LARP4B: variants seen among roughly 807,000 people sequenced by gnomAD.
The protein encoded by LARP4B is la-related protein 4B.
In LARP4B, 12 loss-of-function variants were observed where a neutral mutation model predicts 89.8. That is an observed-to-expected ratio of 0.13 (90% CI 0.09 to 0.22). LARP4B has a LOEUF of 0.22. Among genes scored for constraint, LARP4B ranks in the 10% least tolerant of loss-of-function variants. The pLI, the probability that LARP4B is intolerant of heterozygous loss-of-function variation, is 1.00. For missense variants in LARP4B, 757 were observed against 947.7 expected (o/e 0.80, Z 2.64); for synonymous variants, 367 against 363.3 (o/e 1.01, Z -0.12).
intron 1 of LARP4B, among the ~76,000 whole-genome samples, chr10:886,377 G>A (rs1014664548): frequency 2.0e-5 from 3 of 152,082 alleles, no homozygotes; most frequent in East Asian, 3.8e-4. Context: ...AAATTGGTGC[G>A]GCCATTATGA....
the LARP4B span, among the ~76,000 whole-genome samples, chr10:948,719 AT>A: frequency 2.0e-5 from 3 of 152,140 alleles, no homozygotes; most frequent in African/African-American, 7.2e-5. Flanking sequence ...TACTTGGATC[AT>A]TTCAAGAATG....
chr10:965,735 A>G, the LARP4B span, among the ~76,000 whole-genome samples: 6 of 151,748 alleles, frequency 4.0e-5, no homozygotes, highest in African/African-American at 1.5e-4. Flanking sequence ...TGAAGAAAAC[A>G]TGGCAATGTC....
chr10:820,660 T>G (rs538449773), intron 14 of LARP4B, 140 bp downstream of exon 14: 2 of 755,852 alleles, frequency 2.6e-6, no homozygotes, highest in Non-Finnish European at 4.3e-6. Context: ...GTGTCAGTTA[T>G]TACTTAGTGG....
intron 1 of LARP4B, chr10:924,339 C>A (rs1837076008): frequency 6.6e-6 from 1 of 152,188 alleles, no homozygotes; most frequent in African/African-American, 2.4e-5. Flanking sequence ...TTGGCCTTTT[C>A]AACTATGAAG....
chr10:921,708 C>T (rs997365878), intron 1 of LARP4B, among the ~76,000 whole-genome samples: 5 of 152,198 alleles, frequency 3.3e-5, no homozygotes, highest in African/African-American at 1.2e-4. Flanking sequence ...TGCCTCAATG[C>T]TTCTACAGTT....
chr10:836,552 A>C (rs1394263031), intron 7 of LARP4B, 46 bp from the exon 8 acceptor site: 2 of 1,204,852 alleles, frequency 1.7e-6, no homozygotes, highest in Non-Finnish European at 2.5e-6. Flanking sequence ...ATATTAAAAT[A>C]TGATATGCCA....
chr10:883,441 G>A (rs1301916284), intron 3 of LARP4B, among the ~76,000 whole-genome samples: 1 of 152,134 alleles, frequency 6.6e-6, no homozygotes, highest in Admixed American at 6.5e-5. Context: ...AACCCAGGAG[G>A]CGGAGGTTGC....
chr10:827,225 A>C (rs573712026), intron 11 of LARP4B, among the ~76,000 whole-genome samples: 38 of 152,178 alleles, frequency 2.5e-4, no homozygotes, highest in African/African-American at 7.7e-4. Flanking sequence ...GCAGTGAGCC[A>C]AGATCCGGCC....
At chr10:951,852 G>A in the LARP4B span, among the ~76,000 whole-genome samples, 1 of 144,492 alleles carries the variant, frequency 6.9e-6, no homozygotes, top group Non-Finnish European at 1.5e-5. Context: ...AGAAATCGCA[G>A]CAGCCCAGAA....
At chr10:934,832 C>G (rs960372224), upstream of LARP4B, among the ~76,000 whole-genome samples, 1 of 152,228 alleles carries the variant, frequency 6.6e-6, no homozygotes, top group Admixed American at 6.5e-5. Context: ...CCCCGTCCCC[C>G]CAGTGGTTTT....
chr10:975,039 T>C, the LARP4B span, among the ~76,000 whole-genome samples: 1 of 152,222 alleles, frequency 6.6e-6, no homozygotes, highest in Admixed American at 6.5e-5. Flanking sequence ...CCTGGCTCCT[T>C]GTGTGTCCAC....
chr10:894,491 G>A (rs1444098797), intron 1 of LARP4B, among the ~76,000 whole-genome samples: 2 of 152,136 alleles, frequency 1.3e-5, no homozygotes, highest in East Asian at 3.8e-4. Context: ...AACTGTGTTT[G>A]GATCCTGAGT....
chr10:859,661 TG>T (rs1259914134), intron 5 of LARP4B, among the ~76,000 whole-genome samples: 2 of 152,152 alleles, frequency 1.3e-5, no homozygotes, highest in African/African-American at 4.8e-5. Context: ...CTAAGTAATT[TG>T]TAGTATGTCC....
chr10:826,361 G>C (rs890270369), intron 11 of LARP4B, among the ~76,000 whole-genome samples: 18 of 152,152 alleles, frequency 1.2e-4, no homozygotes, highest in Non-Finnish European at 1.8e-4. Flanking sequence ...CACAAGTCCT[G>C]CTCTGCAGAT....
intron 1 of LARP4B, among the ~76,000 whole-genome samples, chr10:926,775 G>A (rs1043339795): frequency 7.9e-5 from 12 of 152,162 alleles, no homozygotes; most frequent in African/African-American, 2.9e-4. Context: ...AGTGGCTCAC[G>A]CCTGTAATCC....
intron 1 of LARP4B, among the ~76,000 whole-genome samples, chr10:890,170 T>C (rs1339870556): frequency 6.6e-6 from 1 of 152,236 alleles, no homozygotes; most frequent in Non-Finnish European, 1.5e-5. Flanking sequence ...TAGGTAGCCA[T>C]ACAGGTTTTT....
At chr10:889,815 G>A (rs897586071) in intron 1 of LARP4B, among the ~76,000 whole-genome samples, 10 of 152,094 alleles carry the variant, frequency 6.6e-5, no homozygotes, top group African/African-American at 2.2e-4. Flanking sequence ...GGTGGCGGGT[G>A]CCTGTAATCC....
intron 1 of LARP4B, among the ~76,000 whole-genome samples, chr10:889,694 C>T (rs1415436867): frequency 6.6e-6 from 1 of 152,198 alleles, no homozygotes; most frequent in Non-Finnish European, 1.5e-5. Flanking sequence ...AAGTAACTGG[C>T]TCACCAACAC....
intron 1 of LARP4B, among the ~76,000 whole-genome samples, chr10:898,652 C>A (rs183222404): frequency 6.6e-6 from 1 of 152,044 alleles, no homozygotes; most frequent in Non-Finnish European, 1.5e-5. Context: ...TTTTCTGGTA[C>A]GAAAGGGTAA....
Sources: allele counts gnomAD v4.1 joint callset (sites outside exome capture counted in the v4.1 genomes callset), GRCh38; gene constraint gnomAD v4.1.1; transcripts MANE v1.5; gene names NCBI Gene and HGNC (gene_info 2026-07-23, HGNC 2026-07-21).